The following DENND5A variants were observed in gnomAD, a reference collection of about 807,000 sequenced individuals.
The protein encoded by DENND5A is DENN domain containing 5A.
Under a neutral mutation model 140.3 loss-of-function variants are expected in DENND5A, and 64 were observed. That is an observed-to-expected ratio of 0.46 (90% CI 0.37 to 0.56). The LOEUF (loss-of-function observed/expected upper bound fraction) is 0.56, where lower values mean the gene tolerates loss of function less well. Among genes scored for constraint, DENND5A ranks in the 20% least tolerant of loss-of-function variants. DENND5A has a pLI of 0.00. For synonymous variants in DENND5A, 605 were observed against 607.7 expected (o/e 1.00, Z 0.07); for missense variants, 1,292 against 1,593.8 (o/e 0.81, Z 3.22).
intron 5 of DENND5A, among the ~76,000 whole-genome samples, chr11:9,188,567 CTAA>C (rs1441858598): frequency 6.6e-6 from 1 of 152,142 alleles, no homozygotes; most frequent in Non-Finnish European, 1.5e-5. Flanking sequence ...GACCAAAATG[CTAA>C]TAATGATATG....
At chr11:9,182,690 TA>T (rs1211055406) in intron 5 of DENND5A, among the ~76,000 whole-genome samples, 2 of 152,140 alleles carry the variant, frequency 1.3e-5, no homozygotes, top group African/African-American at 4.8e-5. Context: ...TTCTCACTTG[TA>T]TGTGGGAGCT....
At chr11:9,252,578 C>T (rs534090797) in intron 1 of DENND5A, among the ~76,000 whole-genome samples, 51 of 151,802 alleles carry the variant, frequency 3.4e-4, no homozygotes, top group Non-Finnish European at 6.2e-4. Context: ...ACCTTGGAGG[C>T]GGAGGCTGCA....
intron 11 of DENND5A, among the ~76,000 whole-genome samples, chr11:9,162,459 A>G (rs1432516107): frequency 2.6e-5 from 4 of 151,676 alleles, no homozygotes; most frequent in Admixed American, 6.6e-5. Context: ...GGCTGGTCTC[A>G]AACTCCCGAC....
Position 9,185,770 on chromosome 11 carries a change from CTG to C in DENND5A, c.1138-4688_1138-4687del, listed in dbSNP as rs765681407. Among the ~76,000 whole-genome samples the C allele has an allele frequency of 2.6e-5, 4 of 151,966 alleles. No homozygotes were observed. In the East Asian group the frequency reaches 5.8e-4, roughly 22 times the overall value. On this transcript the variant is annotated intron_variant, in intron 5 of 22. Transcript: ENST00000328194. ...TTGTTCCTGTATGTGTGGTCTGCGT[CTG>C]TGTGTGTGGCTGTGTATGTTATCTC...
chr11:9,181,156 G>T, intron 5 of DENND5A, 72 bp from the exon 6 acceptor site: 1 of 1,406,158 alleles, frequency 7.1e-7, no homozygotes, highest in Non-Finnish European at 9.6e-7. Context: ...AGAAAGGTTA[G>T]TGAACAAGAG....
chr11:9,155,001 T>C (rs886976987), intron 12 of DENND5A, among the ~76,000 whole-genome samples: 2 of 151,708 alleles, frequency 1.3e-5, no homozygotes, highest in Non-Finnish European at 2.9e-5. Context: ...ATACAAAAAT[T>C]AGGCGCGCAT....
intron 15 of DENND5A, 47 bp downstream of exon 15, chr11:9,150,034 C>T (rs777221054): frequency 2.5e-6 from 4 of 1,573,448 alleles, no homozygotes; most frequent in Non-Finnish European, 3.4e-6. Flanking sequence ...CAATCTCTTC[C>T]CTCCATTCCT....
At chr11:9,223,858 T>C (rs1307629758) in intron 1 of DENND5A, among the ~76,000 whole-genome samples, 1 of 152,208 alleles carries the variant, frequency 6.6e-6, no homozygotes, top group Admixed American at 6.5e-5. Flanking sequence ...TTATTTAGAA[T>C]CCTTTCATAA....
At chr11:9,154,527 G>C (rs1018576158) in intron 12 of DENND5A, among the ~76,000 whole-genome samples, 4 of 150,208 alleles carry the variant, frequency 2.7e-5, no homozygotes, top group African/African-American at 1.0e-4. Flanking sequence ...ATCTACTCTG[G>C]GGAAAAAAAA....
chr11:9,211,884 C>T (rs370656062), intron 1 of DENND5A, among the ~76,000 whole-genome samples: 14 of 144,088 alleles, frequency 9.7e-5, no homozygotes, highest in African/African-American at 3.4e-4. Context: ...AAGCCAAGAT[C>T]GTGCCACTGC....
At chr11:9,179,117 C>T in intron 6 of DENND5A, 44 bp from the exon 7 acceptor site, 1 of 1,551,384 alleles carries the variant, frequency 6.4e-7, no homozygotes, top group African/African-American at 1.4e-5. Flanking sequence ...ACACTTTTTC[C>T]TTTTAACCCA....
chr11:9,167,508 C>A (rs2136152217), intron 10 of DENND5A, among the ~76,000 whole-genome samples: 1 of 151,310 alleles, frequency 6.6e-6, no homozygotes, highest in South Asian at 2.1e-4. Flanking sequence ...AGAAAAACAG[C>A]CAGGAGCAGT....
chr11:9,146,051 T>G (rs1243287771), intron 16 of DENND5A, among the ~76,000 whole-genome samples: 1 of 152,072 alleles, frequency 6.6e-6, no homozygotes, highest in Non-Finnish European at 1.5e-5. Context: ...CACCCAAACA[T>G]CAAAGATCCA....
chr11:9,220,893 A>G (rs55980718), intron 1 of DENND5A, among the ~76,000 whole-genome samples: 8,871 of 146,518 alleles, frequency 0.061, 359 homozygotes, highest in South Asian at 0.11. Flanking sequence ...ACTCTGTCTC[A>G]AAAAAAAAAA....
intron 1 of DENND5A, among the ~76,000 whole-genome samples, chr11:9,218,623 T>A (rs1436308901): frequency 6.6e-6 from 1 of 151,962 alleles, no homozygotes; most frequent in Non-Finnish European, 1.5e-5. Context: ...GGTGGGAAGA[T>A]CGCTAGAGCC....
In DENND5A at chr11:9,191,656, T is replaced by C. The variant is rs545024870; in HGVS notation, c.1137+1838A>G. Among the ~76,000 whole-genome samples, 9 of 152,324 alleles carry C rather than the reference T, an allele frequency of 5.9e-5. No individual in the cohort carries two copies. In the East Asian group the frequency reaches 1.5e-3, roughly 26 times the overall value. On this transcript the variant is annotated intron_variant, in intron 5 of 22. Transcript: ENST00000328194. ...TACATGAAGCACATAGGGAACAACG[T>C]TGAAAAATCCTAGAGAGATCAGAAT...
chr11:9,141,739 ATGT>A (rs1447686943), intron 22 of DENND5A, among the ~76,000 whole-genome samples, 198 bp downstream of exon 22: 15 of 152,226 alleles, frequency 9.9e-5, no homozygotes, highest in Admixed American at 4.6e-4. Flanking sequence ...TCACTGACAA[ATGT>A]TGTTACGCAG....
intron 1 of DENND5A, among the ~76,000 whole-genome samples, chr11:9,247,137 G>A (rs568427089): frequency 6.6e-6 from 1 of 152,090 alleles, no homozygotes; most frequent in South Asian, 2.1e-4. Context: ...GGCTGAAGCA[G>A]GAGAACGGCG....
chr11:9,231,383 C>T (rs1850762929), intron 1 of DENND5A, among the ~76,000 whole-genome samples: 1 of 152,226 alleles, frequency 6.6e-6, no homozygotes, highest in African/African-American at 2.4e-5. Flanking sequence ...GACCACCCAG[C>T]AGCCTCTTCT....
Sources: gnomAD v4.1 joint callset for allele counts (sites outside exome capture counted in the v4.1 genomes callset) on GRCh38, gnomAD v4.1.1 for gene constraint, MANE v1.5 for transcripts, NCBI Gene and HGNC (gene_info 2026-07-23, HGNC 2026-07-21) for gene names.